Variants in CDH13 observed in about 807,000 individuals in gnomAD.
CDH13 encodes cadherin 13.
CDH13 carries 24 observed loss-of-function variants against 63.8 expected under a neutral mutation model. The ratio of observed to expected loss-of-function variants is 0.38; its 90% confidence interval spans 0.27 to 0.53. CDH13 has a LOEUF of 0.53. Ranked by LOEUF, CDH13 falls within the 20% of genes least tolerant of loss-of-function variation. CDH13 has a pLI of 0.85. For missense variants in CDH13, 1,049 were observed against 903.1 expected (o/e 1.16, Z -2.07); for synonymous variants, 503 against 355.3 (o/e 1.42, Z -4.67).
At chr16:83,093,187 T>C (rs763049313) in intron 3 of CDH13, among the ~76,000 whole-genome samples, 1 of 152,108 alleles carries the variant, frequency 6.6e-6, no homozygotes, top group Non-Finnish European at 1.5e-5. Flanking sequence ...CCCTACTCAG[T>C]TTCTGTCTTC....
At chr16:83,540,506 C>T (rs529886088) in intron 7 of CDH13, among the ~76,000 whole-genome samples, 1 of 152,198 alleles carries the variant, frequency 6.6e-6, no homozygotes, top group South Asian at 2.1e-4. Context: ...TCAGGGGTGC[C>T]TTTGCTCACT....
chr16:82,836,033 G>A (rs1385340952), intron 1 of CDH13, among the ~76,000 whole-genome samples: 2 of 152,198 alleles, frequency 1.3e-5, no homozygotes, highest in African/African-American at 4.8e-5. Context: ...CTGGTAGAAT[G>A]TCTGAAATGC....
intron 7 of CDH13, among the ~76,000 whole-genome samples, chr16:83,559,842 C>T (rs556439376): frequency 1.3e-5 from 2 of 152,094 alleles, no homozygotes; most frequent in Non-Finnish European, 2.9e-5. Flanking sequence ...TTGGTGCTTT[C>T]GTGCCTGCCC....
intron 7 of CDH13, among the ~76,000 whole-genome samples, chr16:83,531,526 G>A (rs551006709): frequency 7.9e-5 from 12 of 152,294 alleles, no homozygotes; most frequent in African/African-American, 1.2e-4. Context: ...CTTCTCTGCC[G>A]CCATGTGAGA....
At chr16:83,574,471 G>C (rs1904925078) in intron 7 of CDH13, among the ~76,000 whole-genome samples, 1 of 152,158 alleles carries the variant, frequency 6.6e-6, no homozygotes, top group African/African-American at 2.4e-5. Context: ...TGCAGGCTGA[G>C]AACCAAATAC....
At chr16:82,912,188 T>G (rs2041852220) in intron 2 of CDH13, among the ~76,000 whole-genome samples, 2 of 149,162 alleles carry the variant, frequency 1.3e-5, no homozygotes, top group South Asian at 2.1e-4. Context: ...CTTGTCTGTG[T>G]CCTTCCCCTG....
chr16:83,354,201 G>A (rs1005407614), intron 6 of CDH13, among the ~76,000 whole-genome samples: 1 of 152,206 alleles, frequency 6.6e-6, no homozygotes, highest in African/African-American at 2.4e-5. Flanking sequence ...CACAGAACGT[G>A]CTCACCAGCG....
chr16:82,735,482 T>C (rs2033627015), intron 1 of CDH13, among the ~76,000 whole-genome samples: 1 of 152,238 alleles, frequency 6.6e-6, no homozygotes. Context: ...GAGTATCGCC[T>C]TGGATTTGAG....
chr16:83,063,624 A>T (rs571826129), intron 3 of CDH13, among the ~76,000 whole-genome samples: 6 of 152,258 alleles, frequency 3.9e-5, no homozygotes, highest in African/African-American at 1.2e-4. Flanking sequence ...GATTAGGGAG[A>T]TGTTGTTTAT....
intron 1 of CDH13, among the ~76,000 whole-genome samples, chr16:82,834,698 G>C (rs938214576): frequency 2.6e-5 from 4 of 152,154 alleles, no homozygotes; most frequent in Non-Finnish European, 4.4e-5. Context: ...TCACGCACTT[G>C]GCTCCGCAGA....
intron 4 of CDH13, among the ~76,000 whole-genome samples, chr16:83,216,432 A>ATATAAATATG (rs2039528010): frequency 8.4e-6 from 1 of 118,664 alleles, no homozygotes; most frequent in East Asian, 2.5e-4. Flanking sequence ...ATATATATAT[A>ATATAAATATG]TATATATATA....
At chr16:82,845,269 A>G (rs559992133) in intron 1 of CDH13, among the ~76,000 whole-genome samples, 14 of 152,348 alleles carry the variant, frequency 9.2e-5, no homozygotes, top group African/African-American at 3.1e-4. Flanking sequence ...GGGAGCATTC[A>G]GCCAGCTGTC....
intron 2 of CDH13, among the ~76,000 whole-genome samples, chr16:82,935,129 T>C (rs548427057): frequency 6.6e-6 from 1 of 152,300 alleles, no homozygotes; most frequent in Admixed American, 6.5e-5. Flanking sequence ...ACTCACAGTT[T>C]TGCAGGGTTG....
At chr16:83,094,010 A>C (rs964006387) in intron 3 of CDH13, among the ~76,000 whole-genome samples, 1 of 152,234 alleles carries the variant, frequency 6.6e-6, no homozygotes, top group African/African-American at 2.4e-5. Flanking sequence ...GTGAGCTTTT[A>C]TGAATAGGCA....
At chr16:82,703,039 A>C (rs150772479) in intron 1 of CDH13, among the ~76,000 whole-genome samples, 39 of 152,306 alleles carry the variant, frequency 2.6e-4, no homozygotes, top group African/African-American at 7.9e-4. Flanking sequence ...AAACACTTAC[A>C]GCATCAGTTC....
At chr16:83,154,140 C>T (rs878957714) in intron 4 of CDH13, among the ~76,000 whole-genome samples, 1 of 152,130 alleles carries the variant, frequency 6.6e-6, no homozygotes, top group East Asian at 1.9e-4. Context: ...CTTTAAAGAC[C>T]ATGCTACGGT....
chr16:83,010,146 A>AAAAAAAAC (rs1913984136), intron 2 of CDH13, among the ~76,000 whole-genome samples: 1 of 147,586 alleles, frequency 6.8e-6, no homozygotes, highest in African/African-American at 2.5e-5. Context: ...AAAAAAAAAA[A>AAAAAAAAC]AAAAAAAAAA....
At position 83,297,862 on chromosome 16, in the gene CDH13, C is replaced by G. The variant is rs112193779; in HGVS notation, c.637-47000C>G. Among the ~76,000 whole-genome samples, 209 of 152,052 alleles carry G rather than the reference C, an allele frequency of 1.4e-3. 2 individuals are homozygous for G. The highest frequency in any genetic ancestry group is 4.9e-3 in the African/African-American group (202 of 41,474). On this transcript the variant is annotated intron_variant, in intron 5 of 13. Transcript: ENST00000567109. Reference sequence around the variant, plus strand: ...GAAACTTTTCAAAGTGAGATCCAGACCTTTCTTGAGGAATGATGTTTCTCT... The same window carrying G: ...GAAACTTTTCAAAGTGAGATCCAGAGCTTTCTTGAGGAATGATGTTTCTCT...
At chr16:83,370,765 C>A (rs1378553810) in intron 6 of CDH13, among the ~76,000 whole-genome samples, 1 of 152,150 alleles carries the variant, frequency 6.6e-6, no homozygotes, top group East Asian at 1.9e-4. Context: ...GGATAATGGT[C>A]TCCATTTCCA....
Sources: allele counts gnomAD v4.1 joint callset (sites outside exome capture counted in the v4.1 genomes callset), GRCh38; gene constraint gnomAD v4.1.1; transcripts MANE v1.5; gene names NCBI Gene and HGNC (gene_info 2026-07-23, HGNC 2026-07-21).